ZNF462: variants seen among roughly 807,000 people sequenced by gnomAD.
ZNF462 encodes zinc finger protein 462, also known as zinc finger PBX1-interacting protein.
In ZNF462, 10 loss-of-function variants were observed where a neutral mutation model predicts 201.9. The ratio of observed to expected loss-of-function variants is 0.05; its 90% CI spans 0.03 to 0.08. The LOEUF (loss-of-function observed/expected upper bound fraction) is 0.08, where lower values mean the gene tolerates loss of function less well. ZNF462 is among the 10% of genes least tolerant of loss of function. The pLI is 1.00. For synonymous variants in ZNF462, 1,227 were observed against 1,193.3 expected (o/e 1.03, Z -0.58); for missense variants, 2,523 against 3,168.3 (o/e 0.80, Z 4.89).
Position 106,925,551 on chromosome 9 carries a change from C to T in ZNF462, c.1639C>T (p.Pro547Ser). ...LQQQQPPQPPPPPPPPPPSQP... is the reference protein window; with the variant it reads ...LQQQQPPQPPSPPPPPPPSQP... ...GCAGCAACAGCCACCGCAGCCACCA[C>T]CACCGCCGCCGCCACCACCACCATC... The change falls in exon 3 of 13, where the codon CCA (proline) becomes TCA (serine). Residue 547 changes from proline to serine, a missense_variant. Physicochemically the swap from Pro to Ser is moderately conservative, Grantham distance 74. Around this residue, in one of 15 missense-constraint regions of ZNF462, gnomAD observed 383 missense variants for 453.4 expected, o/e 0.84. Transcript: ENST00000277225. This position sits in a 1 kb window ranked among gnomAD's most constrained non-coding sequence, Gnocchi z 7.9. 1 of 1,612,354 alleles carries T rather than the reference C, an allele frequency of 6.2e-7. No individual in the cohort carries two copies. Among genetic ancestry groups the T allele is most frequent in the Non-Finnish European group, 8.5e-7 (1 of 1,179,346 alleles).
chr9:106,935,673 A>G lies in ZNF462; in HGVS notation c.6235+52A>G. 7.0e-7 allele frequency: 1 copy of G among 1,419,244 alleles called. No individual in the cohort carries two copies. The highest frequency in any genetic ancestry group is 1.0e-6 in the Non-Finnish European group (1 of 1,004,498). The allele number at this position is 1,419,244 out of a possible 1,614,324, so 87.9% of individuals were successfully genotyped here. On this transcript the variant is annotated intron_variant, in intron 6 of 12. Transcript: ENST00000277225. The surrounding 1 kb of genome is among the most constrained non-coding windows in gnomAD (Gnocchi z 4.1). ...GTTCTTTAGCACTCTCTGAGTTTGA[A>G]ACCTGATGATCTTTATTGAGTGAAA...
chr9:106,947,213 T>G (rs561345683), intron 7 of ZNF462, among the ~76,000 whole-genome samples: 20 of 152,330 alleles, frequency 1.3e-4, no homozygotes, highest in South Asian at 6.2e-4. Flanking sequence ...AAAGGAAGTG[T>G]TTGGCTGAGA....
chr9:106,994,491 T>G (rs531081275), intron 10 of ZNF462, among the ~76,000 whole-genome samples: 15 of 152,196 alleles, frequency 9.9e-5, no homozygotes, highest in African/African-American at 2.9e-4. Flanking sequence ...AACACACCTT[T>G]GGCCACATTT....
rs1831995831 is a variant in ZNF462, at chr9:106,964,772, A to T, written c.6428-7233A>T. 2.0e-5 allele frequency among the ~76,000 whole-genome samples: 3 copies of T among 152,072 alleles called. No homozygotes were observed. In the South Asian group the frequency reaches 6.2e-4, roughly 31 times the overall value. ...TTATACCTATATTTTATCTTATAGA[A>T]TATTAATTAAATTGAATGAGCTCAG... is the stretch of plus-strand genomic sequence containing the variant. On this transcript the variant is annotated intron_variant, in intron 7 of 12. Coordinates refer to ENST00000277225, the MANE Select transcript of ZNF462 (RefSeq NM_021224.6).
chr9:106,997,158 A>G (rs1828797519), intron 10 of ZNF462, among the ~76,000 whole-genome samples: 1 of 152,054 alleles, frequency 6.6e-6, no homozygotes, highest in Non-Finnish European at 1.5e-5. Context: ...AATTGTACAT[A>G]TGTAAGGTGT....
chr9:106,979,720 T>A (rs1409694901), intron 9 of ZNF462, among the ~76,000 whole-genome samples: 1 of 147,288 alleles, frequency 6.8e-6, no homozygotes, highest in Non-Finnish European at 1.5e-5. Context: ...ATTGAGTTGA[T>A]CACCATTGGA....
intron 7 of ZNF462, among the ~76,000 whole-genome samples, chr9:106,939,963 C>A (rs559373994): frequency 1.3e-5 from 2 of 152,154 alleles, no homozygotes; most frequent in Non-Finnish European, 2.9e-5. Flanking sequence ...ATCCCTTCTG[C>A]GGGAGCCAGT....
At position 106,927,455 on chromosome 9, in the gene ZNF462, T is replaced by A; in HGVS notation, c.3543T>A (p.Ser1181=). 1.2e-6 allele frequency: 2 copies of A among 1,612,724 alleles called. No homozygotes were observed. Among genetic ancestry groups the A allele is most frequent in the Non-Finnish European group, 1.7e-6 (2 of 1,179,596 alleles). The part of the protein sequence containing the change: ...APIQQLNRSS[S]ERDGPPVENE... Reference sequence around the variant, plus strand: ...TACAACAGCTGAACCGAAGCAGCTCTGAGAGAGATGGCCCTCCTGTGGAGA... The same window carrying A: ...TACAACAGCTGAACCGAAGCAGCTCAGAGAGAGATGGCCCTCCTGTGGAGA... Residue 1181 remains serine (S), a synonymous_variant, in exon 3 of 13, where the codon TCT becomes TCA. Transcript: ENST00000277225.
intron 7 of ZNF462, among the ~76,000 whole-genome samples, chr9:106,958,368 T>C (rs1463310462): frequency 6.6e-6 from 1 of 152,068 alleles, no homozygotes; most frequent in African/African-American, 2.4e-5. Context: ...CATTGGGCCC[T>C]GCATTTCTCA....
At position 107,003,025 on chromosome 9, in the gene ZNF462, G is replaced by A. The variant is rs986323383; in HGVS notation, c.7057-269G>A. On this transcript the variant is annotated intron_variant, in intron 10 of 12. Coordinates refer to ENST00000277225, the MANE Select transcript of ZNF462 (RefSeq NM_021224.6). The surrounding 1 kb of genome is among the most constrained non-coding windows in gnomAD (Gnocchi z 4.4). ...CTTCATTTTACTTTTGGTCTCCTGC[G>A]TACTATAGCTCATGTTTCTTCACAA... is the stretch of plus-strand genomic sequence containing the variant. Among the ~76,000 whole-genome samples the A allele has an allele frequency of 6.6e-6, 1 of 152,152 alleles. No homozygotes were observed. The highest frequency in any genetic ancestry group is 1.5e-5 in the Non-Finnish European group (1 of 68,026).
In ZNF462 at chr9:106,919,595, G is replaced by T. The variant is rs531996762; in HGVS notation, c.-30-3759G>T. On this transcript the variant is annotated intron_variant, in intron 1 of 12. Coordinates refer to ENST00000277225, the MANE Select transcript of ZNF462 (RefSeq NM_021224.6). The surrounding 1 kb of genome is among the most constrained non-coding windows in gnomAD (Gnocchi z 4.5). ...ACATAAACAATTGGATTGTGGGTTT[G>T]CCCATCAAAACCCCACATTTTGAAA... is the stretch of plus-strand genomic sequence containing the variant. Among the ~76,000 whole-genome samples the T allele has an allele frequency of 2.0e-5, 3 of 152,274 alleles. No homozygotes were observed. Among genetic ancestry groups the T allele is most frequent in the African/African-American group, 7.2e-5 (3 of 41,552 alleles).
chr9:106,918,718 C>T (rs1829877745), intron 1 of ZNF462, among the ~76,000 whole-genome samples: 1 of 152,196 alleles, frequency 6.6e-6, no homozygotes, highest in Non-Finnish European at 1.5e-5. Flanking sequence ...AGCATATCAA[C>T]AATTTCTGAT....
Position 106,970,691 on chromosome 9 carries a change from C to T in ZNF462, c.6428-1314C>T, listed in dbSNP as rs1004813437. ...ATTCATGGACTTCATTTGTGTCATT[C>T]ATAGGCAGCTGTAGGTTATATAGGA... On this transcript the variant is annotated intron_variant, in intron 7 of 12. Coordinates refer to ENST00000277225, the MANE Select transcript of ZNF462 (RefSeq NM_021224.6). This position sits in a 1 kb window ranked among gnomAD's most constrained non-coding sequence, Gnocchi z 4.2. Among the ~76,000 whole-genome samples, 2 of 152,166 alleles carry T rather than the reference C, an allele frequency of 1.3e-5. No individual in the cohort carries two copies. Among genetic ancestry groups the T allele is most frequent in the African/African-American group, 4.8e-5 (2 of 41,446 alleles).
At chr9:106,864,925 G>T (rs1029811327) in intron 1 of ZNF462, among the ~76,000 whole-genome samples, 2 of 152,178 alleles carry the variant, frequency 1.3e-5, no homozygotes, top group Non-Finnish European at 2.9e-5. Flanking sequence ...CCAGAAAATG[G>T]AGGAGAGCGG....
chr9:106,974,383 C>CCTTAT lies in ZNF462; in HGVS notation c.6832+114_6832+118dup. The CCTTAT allele has an allele frequency of 6.5e-7, 1 of 1,527,022 alleles. No individual in the cohort carries two copies. The highest frequency in any genetic ancestry group is 9.1e-7 in the Non-Finnish European group (1 of 1,101,960). 94.6% of individuals were successfully genotyped at this position (1,527,022 alleles called of 1,614,324 possible). A position where few individuals can be genotyped will look rare whatever the true frequency, so the allele number is the denominator to read the frequency against. On this transcript the variant is annotated intron_variant, in intron 9 of 12. Coordinates refer to ENST00000277225, the MANE Select transcript of ZNF462 (RefSeq NM_021224.6). The surrounding 1 kb of genome is among the most constrained non-coding windows in gnomAD (Gnocchi z 4.0). ...AGTAGCACCTGTGCCTTGTTCCTCA[C>CCTTAT]CTTATCTTCAGGCAAGAAACCACAG...
intron 1 of ZNF462, among the ~76,000 whole-genome samples, chr9:106,918,362 T>C (rs1229668007): frequency 6.6e-6 from 1 of 152,244 alleles, no homozygotes; most frequent in Non-Finnish European, 1.5e-5. Flanking sequence ...TCTATAATTA[T>C]GTGTGTTTGT....
Position 106,974,022 on chromosome 9 carries a change from C to A in ZNF462, c.6696-115C>A. On this transcript the variant is annotated intron_variant, in intron 8 of 12. Transcript: ENST00000277225. The surrounding 1 kb of genome is among the most constrained non-coding windows in gnomAD (Gnocchi z 4.0). ...CATGATGAACAGATTTTTTTTTAGC[C>A]CCACAAGCAGGAGAGCCGCACTTGG... 1 of 1,372,878 alleles carries A rather than the reference C, an allele frequency of 7.3e-7. No homozygotes were observed. The highest frequency in any genetic ancestry group is 1.4e-5 in the South Asian group (1 of 73,412). The allele number at this position is 1,372,878 out of a possible 1,614,324, so 85.0% of individuals were successfully genotyped here.
rs1168990437 is a variant in ZNF462, at chr9:107,008,669, CTCTTA to C, written c.7190-871_7190-867del. 6.6e-6 allele frequency among the ~76,000 whole-genome samples: 1 copy of C among 152,158 alleles called. No homozygotes were observed. The highest frequency in any genetic ancestry group is 6.5e-5 in the Admixed American group (1 of 15,280). On this transcript the variant is annotated intron_variant, in intron 11 of 12. Coordinates refer to ENST00000277225, the MANE Select transcript of ZNF462 (RefSeq NM_021224.6). This position sits in a 1 kb window ranked among gnomAD's most constrained non-coding sequence, Gnocchi z 4.8. ...CGGGCTAACACAATGGCCATATAAT[CTCTTA>C]TCTTTGAGTTTGCCAGGAGACGTGG... is the stretch of plus-strand genomic sequence containing the variant.
intron 11 of ZNF462, among the ~76,000 whole-genome samples, chr9:107,004,819 C>T (rs1829436441): frequency 6.6e-6 from 1 of 152,030 alleles, no homozygotes; most frequent in Admixed American, 6.6e-5. Context: ...ATCTCTTGAG[C>T]TTATTTTTCC....
Sources: allele counts gnomAD v4.1 joint callset (sites outside exome capture counted in the v4.1 genomes callset), GRCh38; gene constraint gnomAD v4.1.1; regional missense constraint gnomAD v4.1.1; non-coding constraint Gnocchi (gnomAD v3.1); transcripts MANE v1.5; gene names NCBI Gene and HGNC (gene_info 2026-07-23, HGNC 2026-07-21).